Variants in PPIG observed in about 807,000 individuals in gnomAD.
The protein encoded by PPIG is peptidylprolyl isomerase G.
Under a neutral mutation model 87.9 loss-of-function variants are expected in PPIG, and 26 were observed. The ratio of observed to expected loss-of-function variants is 0.30; its 90% CI spans 0.22 to 0.41. PPIG has a LOEUF of 0.41. Among genes scored for constraint, PPIG ranks in the 10% least tolerant of loss-of-function variants. The pLI, the probability that PPIG is intolerant of heterozygous loss-of-function variation, is 1.00. For missense variants in PPIG, 722 were observed against 879.4 expected (o/e 0.82, Z 2.26); for synonymous variants, 308 against 276.5 (o/e 1.11, Z -1.13).
chr2:169,630,655 T>C, intron 9 of PPIG, 119 bp from the exon 10 acceptor site: 1 of 831,014 alleles, frequency 1.2e-6, no homozygotes, highest in Non-Finnish European at 1.9e-6. Flanking sequence ...CCAGTTCACA[T>C]AGCTGGATGA....
intron 9 of PPIG, among the ~76,000 whole-genome samples, chr2:169,618,289 A>T (rs917924326): frequency 2.6e-5 from 4 of 152,206 alleles, no homozygotes; most frequent in South Asian, 2.1e-4. Context: ...ATCAATGTTC[A>T]TCAGGGATAT....
chr2:169,614,784 C>T, intron 9 of PPIG, 60 bp downstream of exon 9: 2 of 1,458,462 alleles, frequency 1.4e-6, no homozygotes, highest in African/African-American at 1.4e-5. Flanking sequence ...CAGAGATACT[C>T]TAAATAGTTG....
intron 1 of PPIG, chr2:169,585,047 C>T (rs1684660223): frequency 6.3e-6 from 1 of 158,038 alleles, no homozygotes; most frequent in Admixed American, 6.5e-5. Flanking sequence ...TCTCACAGCA[C>T]AGTGGCTGTC....
chr2:169,597,871 T>C (rs774671241), intron 1 of PPIG, among the ~76,000 whole-genome samples: 1 of 55,336 alleles, frequency 1.8e-5, no homozygotes, highest in African/African-American at 4.6e-5. Context: ...TGTTTGTTTG[T>C]TTGTTTGTTT....
intron 1 of PPIG, among the ~76,000 whole-genome samples, chr2:169,593,421 C>A (rs1273536074): frequency 6.6e-6 from 1 of 151,862 alleles, no homozygotes; most frequent in Non-Finnish European, 1.5e-5. Context: ...GTCATGAACT[C>A]CTGACCTCAG....
chr2:169,635,989 C>A, intron 12 of PPIG, 103 bp from the exon 13 acceptor site: 1 of 679,018 alleles, frequency 1.5e-6, no homozygotes, highest in East Asian at 3.1e-5. Flanking sequence ...GTACCCCTTA[C>A]TACCTCCTGA....
intron 1 of PPIG, among the ~76,000 whole-genome samples, chr2:169,594,175 A>G (rs1268596262): frequency 6.6e-6 from 1 of 152,108 alleles, no homozygotes; most frequent in East Asian, 1.9e-4. Context: ...GTTGAATTTT[A>G]CTGGTTCAAA....
At chr2:169,586,165 T>A (rs138807624) in intron 1 of PPIG, among the ~76,000 whole-genome samples, 1,737 of 152,310 alleles carry the variant, frequency 0.011, 48 homozygotes, top group African/African-American at 0.04. Context: ...GTTTGACTAT[T>A]TCTTTATGAT....
chr2:169,628,479 G>C (rs1685953323), intron 9 of PPIG, among the ~76,000 whole-genome samples: 2 of 152,120 alleles, frequency 1.3e-5, no homozygotes, highest in South Asian at 4.1e-4. Flanking sequence ...CATGTATCTT[G>C]GGTTTAGTAT....
chr2:169,636,701 AG>A lies in PPIG; in HGVS notation c.1444del (p.Glu482LysfsTer4). The A allele has an allele frequency of 6.2e-7, 1 of 1,610,814 alleles. No individual in the cohort carries two copies. The highest frequency in any genetic ancestry group is 8.5e-7 in the Non-Finnish European group (1 of 1,179,248). ...GAGATTCAAAACATAATAGAAATGA[AG>A]AAAAGAGGATGAGGTCAAGGAGTAA... is the stretch of plus-strand genomic sequence containing the variant. ...ERDSKHNRNE[E>X]KRMRSRSKGR... On this transcript the variant is annotated frameshift_variant, in exon 14 of 14. Transcript: ENST00000260970. LOFTEE classifies it high-confidence loss of function.
chr2:169,593,930 C>T (rs1684942836), intron 1 of PPIG, among the ~76,000 whole-genome samples: 1 of 151,864 alleles, frequency 6.6e-6, no homozygotes, highest in South Asian at 2.1e-4. Flanking sequence ...GCTGCGATTA[C>T]AGGTGTGAGC....
intron 1 of PPIG, among the ~76,000 whole-genome samples, chr2:169,594,626 T>A: frequency 1.6e-4 from 1 of 6,120 alleles, no homozygotes; most frequent in African/African-American, 3.7e-4. Context: ...CTTTCTTTTC[T>A]TTTTTTTTTT....
chr2:169,624,136 T>G (rs1685823830), intron 9 of PPIG, among the ~76,000 whole-genome samples: 1 of 152,100 alleles, frequency 6.6e-6, no homozygotes, highest in Non-Finnish European at 1.5e-5. Context: ...CTGGCTAATT[T>G]TTGTATTTTT....
At chr2:169,626,908 C>G (rs1359527746) in intron 9 of PPIG, among the ~76,000 whole-genome samples, 1 of 151,934 alleles carries the variant, frequency 6.6e-6, no homozygotes, top group Non-Finnish European at 1.5e-5. Flanking sequence ...CGGGGTTTCA[C>G]CATGTTGGCC....
At chr2:169,632,931 C>G (rs1356489003) in intron 11 of PPIG, among the ~76,000 whole-genome samples, 1 of 151,302 alleles carries the variant, frequency 6.6e-6, no homozygotes, top group Non-Finnish European at 1.5e-5. Flanking sequence ...CTTGAGCCAC[C>G]ATGCCCAGCT....
chr2:169,600,078 ATTTTTTT>A (rs57602241), intron 1 of PPIG, among the ~76,000 whole-genome samples: 1 of 142,266 alleles, frequency 7.0e-6, no homozygotes, highest in African/African-American at 2.6e-5. Context: ...GGAAAAAAAA[ATTTTTTT>A]TTTTTTTTTG....
chr2:169,626,260 A>G (rs907085637), intron 9 of PPIG, among the ~76,000 whole-genome samples: 4 of 151,914 alleles, frequency 2.6e-5, no homozygotes, highest in African/African-American at 9.7e-5. Context: ...ATATCTCCCA[A>G]TTTTTTGCCT....
At chr2:169,596,162 G>A (rs1685011124) in intron 1 of PPIG, among the ~76,000 whole-genome samples, 1 of 151,862 alleles carries the variant, frequency 6.6e-6, no homozygotes, top group South Asian at 2.1e-4. Context: ...GTGCAGTGGC[G>A]CGATCTTGGC....
chr2:169,620,097 G>T (rs1685705155), intron 9 of PPIG, among the ~76,000 whole-genome samples: 2 of 151,942 alleles, frequency 1.3e-5, no homozygotes, highest in African/African-American at 4.8e-5. Context: ...TATCCCATTT[G>T]TCTTATTTTT....
Sources: allele counts gnomAD v4.1 joint callset (sites outside exome capture counted in the v4.1 genomes callset), GRCh38; gene constraint gnomAD v4.1.1; transcripts MANE v1.5; gene names NCBI Gene and HGNC (gene_info 2026-07-23, HGNC 2026-07-21).